The following FRMD1 variants were observed in gnomAD, a reference collection of about 807,000 sequenced individuals.
The protein encoded by FRMD1 is FERM domain containing 1.
In FRMD1, 51 loss-of-function variants were observed where a neutral mutation model predicts 54.9. The observed-to-expected ratio is 0.93, with a 90% CI of 0.74 to 1.17. The LOEUF (loss-of-function observed/expected upper bound fraction) is 1.17, where lower values mean the gene tolerates loss of function less well. Ranked by LOEUF, FRMD1 falls within the 50% of genes most tolerant of loss-of-function variation. The pLI is 0.00. For synonymous variants in FRMD1, 324 were observed against 306.4 expected (o/e 1.06, Z -0.60); for missense variants, 729 against 743.0 (o/e 0.98, Z 0.22).
intron 1 of FRMD1, chr6:168,075,798 C>T: frequency 6.5e-7 from 1 of 1,550,308 alleles, no homozygotes; most frequent in Non-Finnish European, 8.7e-7. Flanking sequence ...CTGAGCCTCT[C>T]ACGGCAGCCT....
At position 168,060,495 on chromosome 6, in the gene FRMD1, C is replaced by G. The variant is rs181814110; in HGVS notation, c.1342+266G>C. Among the ~76,000 whole-genome samples, 720 of 152,232 alleles carry G rather than the reference C, an allele frequency of 4.7e-3. 14 individuals are homozygous for G. Among genetic ancestry groups the G allele is most frequent in the African/African-American group, 0.017 (687 of 41,518 alleles). ...CAAGAGGATCCCACCTCTCCTGTCT[C>G]TGATCCCAGCCTGCAGCTGCCCCTT... is the stretch of plus-strand genomic sequence containing the variant. On this transcript the variant is annotated intron_variant, in intron 9 of 10. Coordinates refer to ENST00000283309, the MANE Select transcript of FRMD1 (RefSeq NM_024919.6).
In FRMD1 at chr6:168,065,374, A is replaced by G. The variant is rs533547026; in HGVS notation, c.462-317T>C. ...AAGCCCCAGTGCAGGAGAGGTGCACAGAGCCCGGGCGACTCGAATCCCTGG... is the reference window on the plus strand; with the variant it reads ...AAGCCCCAGTGCAGGAGAGGTGCACGGAGCCCGGGCGACTCGAATCCCTGG... On this transcript the variant is annotated intron_variant, in intron 4 of 10. Coordinates refer to ENST00000283309, the MANE Select transcript of FRMD1 (RefSeq NM_024919.6). The G allele has an allele frequency of 3.6e-6, 4 of 1,126,382 alleles. No individual in the cohort carries two copies. In the East Asian group the frequency reaches 2.1e-4, roughly 60 times the overall value. 69.8% of individuals were successfully genotyped at this position (1,126,382 alleles called of 1,614,324 possible).
chr6:168,063,773 G>A lies in FRMD1; in HGVS notation c.649-17C>T. On this transcript the variant is annotated splice_polypyrimidine_tract_variant and intron_variant, in intron 5 of 10. Coordinates refer to ENST00000283309, the MANE Select transcript of FRMD1 (RefSeq NM_024919.6). ...GGTGATGATCTGAGGACAGAGCCGGGAGGTCAGCTCAGACCCCTGCTGGTC... is the reference window on the plus strand; with the variant it reads ...GGTGATGATCTGAGGACAGAGCCGGAAGGTCAGCTCAGACCCCTGCTGGTC... The A allele has an allele frequency of 6.2e-7, 1 of 1,604,080 alleles. No individual in the cohort carries two copies. Among genetic ancestry groups the A allele is most frequent in the Non-Finnish European group, 8.5e-7 (1 of 1,174,916 alleles).
At chr6:168,088,763 G>A (rs1198754914) in intron 1 of FRMD1, among the ~76,000 whole-genome samples, 1 of 151,876 alleles carries the variant, frequency 6.6e-6, no homozygotes, top group Non-Finnish European at 1.5e-5. Flanking sequence ...GCTGTCCCCT[G>A]CACACAGCAC....
chr6:168,063,173 C>A (rs1799841222), intron 6 of FRMD1, among the ~76,000 whole-genome samples: 1 of 152,216 alleles, frequency 6.6e-6, no homozygotes, highest in Non-Finnish European at 1.5e-5. Context: ...AGATAAACAC[C>A]AGCCACGACC....
Position 168,063,584 on chromosome 6 carries a change from G to T in FRMD1, c.804+17C>A. The T allele has an allele frequency of 6.3e-7, 1 of 1,598,528 alleles. No individual in the cohort carries two copies. Among genetic ancestry groups the T allele is most frequent in the Non-Finnish European group, 8.5e-7 (1 of 1,172,924 alleles). Reference sequence around the variant, plus strand: ...GGAGTCAGAGTCCAGCCCATCGCTGGCCGCCCTGGGCTCGACCTTGTGCAG... The same window carrying T: ...GGAGTCAGAGTCCAGCCCATCGCTGTCCGCCCTGGGCTCGACCTTGTGCAG... On this transcript the variant is annotated intron_variant, in intron 6 of 10. Transcript: ENST00000283309.
At chr6:168,078,270 G>A (rs1023885645) in intron 1 of FRMD1, among the ~76,000 whole-genome samples, 2 of 152,114 alleles carry the variant, frequency 1.3e-5, no homozygotes, top group African/African-American at 2.4e-5. Context: ...AGATGGTGAC[G>A]TCTGAACACA....
intron 1 of FRMD1, among the ~76,000 whole-genome samples, chr6:168,088,357 G>A (rs73030359): frequency 0.18 from 27,244 of 152,006 alleles, 2,601 homozygotes; most frequent in African/African-American, 0.23. Context: ...GAAAGAAACT[G>A]CGGGCGGGGG....
chr6:168,064,794 C>A, intron 5 of FRMD1, 77 bp downstream of exon 5: 2 of 1,494,582 alleles, frequency 1.3e-6, no homozygotes, highest in Non-Finnish European at 1.8e-6. Context: ...CAGTCCCCTG[C>A]TCCCATGGAT....
intron 1 of FRMD1, among the ~76,000 whole-genome samples, chr6:168,088,972 G>A (rs999193846): frequency 1.7e-5 from 2 of 117,166 alleles, no homozygotes; most frequent in African/African-American, 2.8e-5. Flanking sequence ...GCCCTGCTGA[G>A]AGCCCAAGTC....
Position 168,068,380 on chromosome 6 carries a change from C to T in FRMD1, c.305-934G>A, listed in dbSNP as rs185468746. ...CCATTCCTGCTGCGACTTAAAGCAA[C>T]GTACAATCCCTCCGTGTCTGCTGGG... On this transcript the variant is annotated intron_variant, in intron 2 of 10. Coordinates refer to ENST00000283309, the MANE Select transcript of FRMD1 (RefSeq NM_024919.6). Among the ~76,000 whole-genome samples the T allele has an allele frequency of 1.1e-3, 163 of 152,286 alleles. 1 individual carries two copies. The highest frequency in any genetic ancestry group is 1.9e-3 in the Non-Finnish European group (129 of 68,018).
At chr6:168,065,106 C>A in intron 4 of FRMD1, 49 bp from the exon 5 acceptor site, 1 of 1,544,420 alleles carries the variant, frequency 6.5e-7, no homozygotes, top group Non-Finnish European at 8.7e-7. Flanking sequence ...GTGGGGACTG[C>A]TGGCCCCTCT....
In FRMD1 at chr6:168,065,013, C is replaced by T. The variant is rs200287695; in HGVS notation, c.506G>A (p.Arg169His). Residue 169 changes from arginine (R) to histidine (H), a missense_variant, in exon 5 of 11, where the codon CGC (arginine) becomes CAC (histidine). Physicochemically the swap from Arg to His is conservative, Grantham distance 29. Transcript: ENST00000283309. ...RHLYYCHLKE[R>H]VLRSQCAHRE... Reference sequence around the variant, plus strand: ...GTGAGCGCACTGTGACCTCAGCACGCGCTCCTTCAAGTGGCAGTAGTACAG... The same window carrying T: ...GTGAGCGCACTGTGACCTCAGCACGTGCTCCTTCAAGTGGCAGTAGTACAG... The T allele has an allele frequency of 1.5e-4, 247 of 1,611,292 alleles. No homozygotes were observed. Among genetic ancestry groups the T allele is most frequent in the Admixed American group, 2.3e-4 (14 of 59,994 alleles).
intron 2 of FRMD1, among the ~76,000 whole-genome samples, chr6:168,069,656 TAAG>T (rs1327214457): frequency 6.6e-6 from 1 of 152,200 alleles, no homozygotes; most frequent in African/African-American, 2.4e-5. Flanking sequence ...CAAATCATAA[TAAG>T]GAGGACAGAA....
chr6:168,057,538 GC>G, intron 10 of FRMD1, 199 bp from the exon 11 acceptor site: 1 of 708,000 alleles, frequency 1.4e-6, no homozygotes, highest in Non-Finnish European at 2.2e-6. Flanking sequence ...TTCCTTTGAT[GC>G]ATTTCAGGAG....
At position 168,059,402 on chromosome 6, in the gene FRMD1, C is replaced by T. The variant is rs546135901; in HGVS notation, c.1343-214G>A. On this transcript the variant is annotated intron_variant, in intron 9 of 10. Coordinates refer to ENST00000283309, the MANE Select transcript of FRMD1 (RefSeq NM_024919.6). The surrounding 1 kb of genome is among the most constrained non-coding windows in gnomAD (Gnocchi z 4.4). ...TTGCTGTGCAGATGCGGGATTAGCA[C>T]GGTGATTCCCGCTGGGTTACAGGCC... 3.2e-4 allele frequency among the ~76,000 whole-genome samples: 49 copies of T among 152,336 alleles called. No homozygotes were observed. The highest frequency in any genetic ancestry group is 1.1e-3 in the African/African-American group (47 of 41,572).
intron 2 of FRMD1, among the ~76,000 whole-genome samples, chr6:168,072,441 C>T (rs936213138): frequency 2.0e-5 from 3 of 152,228 alleles, no homozygotes; most frequent in Admixed American, 6.5e-5. Flanking sequence ...CACAGCGACC[C>T]GCCCTGTGCA....
At chr6:168,086,964 C>A (rs969260382) in intron 1 of FRMD1, among the ~76,000 whole-genome samples, 7 of 152,188 alleles carry the variant, frequency 4.6e-5, no homozygotes, top group Admixed American at 4.6e-4. Context: ...AGAGAGCAGT[C>A]CCCGATTCTG....
chr6:168,062,493 C>T (rs982596245), intron 7 of FRMD1, among the ~76,000 whole-genome samples: 5 of 152,262 alleles, frequency 3.3e-5, no homozygotes, highest in African/African-American at 9.6e-5. Flanking sequence ...ACACCCCACG[C>T]CTGCAGGGCC....
Sources: gnomAD v4.1 joint callset for allele counts (sites outside exome capture counted in the v4.1 genomes callset) on GRCh38, gnomAD v4.1.1 for gene constraint, Gnocchi (gnomAD v3.1) non-coding constraint, MANE v1.5 for transcripts, NCBI Gene and HGNC (gene_info 2026-07-23, HGNC 2026-07-21) for gene names.